The following EPB41 variants were observed in gnomAD, a reference collection of about 807,000 sequenced individuals.
EPB41 encodes erythrocyte membrane protein band 4.1.
Under a neutral mutation model 108.0 loss-of-function variants are expected in EPB41, and 65 were observed. That is an observed-to-expected ratio of 0.60 (90% confidence interval 0.49 to 0.74). The LOEUF (loss-of-function observed/expected upper bound fraction) is 0.74, where lower values mean the gene tolerates loss of function less well. EPB41 is among the 30% of genes least tolerant of loss of function. The pLI, the probability that EPB41 is intolerant of heterozygous loss-of-function variation, is 0.00. For synonymous variants in EPB41, 336 were observed against 358.9 expected (o/e 0.94, Z 0.72); for missense variants, 875 against 1,037.0 (o/e 0.84, Z 2.15).
chr1:28,897,457 G>C (rs986456687), intron 1 of EPB41, among the ~76,000 whole-genome samples: 1 of 151,818 alleles, frequency 6.6e-6, no homozygotes, highest in Non-Finnish European at 1.5e-5. Flanking sequence ...GCTGAGGTGG[G>C]AGGATCCCTT....
At chr1:28,907,184 C>T (rs1287628537) in intron 1 of EPB41, among the ~76,000 whole-genome samples, 1 of 151,952 alleles carries the variant, frequency 6.6e-6, no homozygotes, top group African/African-American at 2.4e-5. Flanking sequence ...TGTTACTCAG[C>T]CTCCCAAGTA....
chr1:28,913,917 T>C (rs463802), upstream of EPB41, among the ~76,000 whole-genome samples: 83 of 152,288 alleles, frequency 5.5e-4, no homozygotes, highest in African/African-American at 1.9e-3. Context: ...AGGGGGGAAT[T>C]AGGAGATCCT....
At chr1:28,897,605 G>A (rs1054955898) in intron 1 of EPB41, among the ~76,000 whole-genome samples, 15 of 57,108 alleles carry the variant, frequency 2.6e-4, no homozygotes, top group Admixed American at 4.5e-4. Flanking sequence ...AAGGGAAGGG[G>A]AGGGGAGGGG....
chr1:29,036,022 C>A, intron 10 of EPB41, 99 bp downstream of exon 10: 1 of 866,700 alleles, frequency 1.2e-6, no homozygotes. Flanking sequence ...GACTGGCACT[C>A]TTTTATTTAG....
intron 2 of EPB41, among the ~76,000 whole-genome samples, chr1:28,988,595 G>A (rs1557929785): frequency 6.6e-6 from 1 of 151,966 alleles, no homozygotes; most frequent in Non-Finnish European, 1.5e-5. Flanking sequence ...CTTGACCTCA[G>A]GTAATCTGTC....
chr1:29,114,486 T>TA lies in EPB41; in HGVS notation c.2497-1212dup, dbSNP rs1670214200. Among the ~76,000 whole-genome samples, 8 of 151,884 alleles carry TA rather than the reference T, an allele frequency of 5.3e-5. No individual in the cohort carries two copies. The South Asian group carries it at 1.7e-3, about 32-fold the overall frequency. On this transcript the variant is annotated intron_variant, in intron 19 of 20. Coordinates refer to ENST00000343067, the MANE Select transcript of EPB41 (RefSeq NM_001376013.1). ...GGCAAAACACTGTCTCTACTAAAAA[T>TA]ACAAAAATTAGCCAGACGTGGTCAC...
intron 1 of EPB41, among the ~76,000 whole-genome samples, chr1:28,892,102 A>AAAC (rs2090182433): frequency 6.6e-6 from 1 of 151,006 alleles, no homozygotes; most frequent in Non-Finnish European, 1.5e-5. Context: ...TCAAAAAAAA[A>AAAC]AAAAAAAAAA....
intron 4 of EPB41, among the ~76,000 whole-genome samples, chr1:28,998,403 G>A (rs879887862): frequency 3.3e-5 from 5 of 152,144 alleles, no homozygotes; most frequent in Non-Finnish European, 7.4e-5. Context: ...GTGGGGAATC[G>A]TGGAGAGAGT....
chr1:28,949,193 C>T (rs560120490), intron 1 of EPB41, among the ~76,000 whole-genome samples: 2 of 151,350 alleles, frequency 1.3e-5, no homozygotes, highest in Admixed American at 6.6e-5. Context: ...CCTGTAATCC[C>T]AGCACTTTGG....
chr1:29,029,708 AGACT>A (rs1483227256), intron 7 of EPB41, among the ~76,000 whole-genome samples: 1 of 152,240 alleles, frequency 6.6e-6, no homozygotes, highest in African/African-American at 2.4e-5. Flanking sequence ...TTAGACAGTG[AGACT>A]GACTGTTTTC....
At chr1:28,975,596 A>G (rs1215116514) in intron 1 of EPB41, among the ~76,000 whole-genome samples, 1 of 152,118 alleles carries the variant, frequency 6.6e-6, no homozygotes, top group Non-Finnish European at 1.5e-5. Context: ...ATTTAGCATG[A>G]TATTCAAGTC....
At chr1:28,902,894 C>T (rs1470673554) in intron 1 of EPB41, among the ~76,000 whole-genome samples, 2 of 152,138 alleles carry the variant, frequency 1.3e-5, no homozygotes, top group East Asian at 3.9e-4. Context: ...ATAAAGACGC[C>T]TACTTGACCT....
intron 1 of EPB41, among the ~76,000 whole-genome samples, chr1:28,965,442 G>T (rs958381577): frequency 1.3e-5 from 2 of 152,084 alleles, no homozygotes; most frequent in Non-Finnish European, 2.9e-5. Context: ...TTACTTAAGA[G>T]AATAAGGTGT....
rs775554564 is a variant in EPB41 at position 28,975,940 on chromosome 1, CA to C, written c.-7-11470del. ...TGGGTGACAGAGTGAGACTCCATCT[CA>C]AAAAAAAAAAAAAAAAAAAAGAAAG... On this transcript the variant is annotated intron_variant, in intron 1 of 20. Coordinates refer to ENST00000343067, the MANE Select transcript of EPB41 (RefSeq NM_001376013.1). Among the ~76,000 whole-genome samples the C allele has an allele frequency of 7.1e-3, 482 of 67,664 alleles. 2 individuals are homozygous for C. Among genetic ancestry groups the C allele is most frequent in the African/African-American group, 0.021 (396 of 18,828 alleles). 44.4% of individuals were successfully genotyped at this position (67,664 alleles called of 152,430 possible).
chr1:28,982,243 C>T, intron 1 of EPB41: 1 of 439,056 alleles, frequency 2.3e-6, no homozygotes, highest in Non-Finnish European at 4.4e-6. Flanking sequence ...TTTATGGCTG[C>T]TTCTTTTTAA....
chr1:28,956,890 C>T (rs1189605534), intron 1 of EPB41, among the ~76,000 whole-genome samples: 1 of 152,136 alleles, frequency 6.6e-6, no homozygotes, highest in African/African-American at 2.4e-5. Context: ...TATAAAGAAG[C>T]TGTCTAAATT....
upstream of EPB41, among the ~76,000 whole-genome samples, chr1:28,913,283 C>CA (rs1386550576): frequency 5.3e-5 from 8 of 151,966 alleles, no homozygotes; most frequent in Non-Finnish European, 5.9e-5. Context: ...ACTAAAAATA[C>CA]AAAAATTAGC....
intron 1 of EPB41, among the ~76,000 whole-genome samples, chr1:28,901,809 C>T (rs1397578370): frequency 1.3e-5 from 2 of 152,196 alleles, no homozygotes; most frequent in African/African-American, 4.8e-5. Flanking sequence ...ACTAGAATTA[C>T]AGGTGTGAGC....
intron 5 of EPB41, among the ~76,000 whole-genome samples, chr1:29,012,403 T>C (rs2096517878): frequency 6.6e-6 from 1 of 152,144 alleles, no homozygotes; most frequent in African/African-American, 2.4e-5. Flanking sequence ...TAAAGGACTG[T>C]GGAAGAAAAA....
Sources: gnomAD v4.1 joint callset for allele counts (sites outside exome capture counted in the v4.1 genomes callset) on GRCh38, gnomAD v4.1.1 for gene constraint, MANE v1.5 for transcripts, NCBI Gene and HGNC (gene_info 2026-07-23, HGNC 2026-07-21) for gene names.